The following GALR3 variants were observed in gnomAD, a reference collection of about 807,000 sequenced individuals.
The protein encoded by GALR3 is galanin receptor type 3.
GALR3 carries 5 observed loss-of-function variants against 6.9 expected under a neutral mutation model. The ratio of observed to expected loss-of-function variants is 0.72; its 90% CI spans 0.38 to 1.52. The LOEUF (loss-of-function observed/expected upper bound fraction) is 1.52, where lower values mean the gene tolerates loss of function less well. Ranked by LOEUF, GALR3 falls within the 40% of genes most tolerant of loss-of-function variation. The pLI is 0.03. For synonymous variants in GALR3, 308 were observed against 263.6 expected, an observed-to-expected ratio of 1.17 and a Z score of -1.63; for missense variants, 570 against 545.6, an observed-to-expected ratio of 1.04 and a Z score of -0.44.
intron 1 of GALR3, among the ~76,000 whole-genome samples, chr22:37,824,515 A>G (rs933133041): frequency 6.6e-6 from 1 of 152,044 alleles, no homozygotes; most frequent in Non-Finnish European, 1.5e-5. Flanking sequence ...CGCATCCATA[A>G]AATAATCCTA....
At chr22:37,824,681 G>A (rs1922541820) in intron 1 of GALR3, 42 bp from the exon 2 acceptor site, 1 of 1,167,800 alleles carries the variant, frequency 8.6e-7, no homozygotes, top group Non-Finnish European at 1.1e-6. Flanking sequence ...GGCCCCTGCG[G>A]GAGGGCACCT....
intron 1 of GALR3, 42 bp downstream of exon 1, chr22:37,823,807 C>CGGGGGGGGGCTGGGGGGGG: frequency 3.3e-6 from 2 of 604,036 alleles, no homozygotes; most frequent in South Asian, 1.6e-5. Context: ...GCTGTGGGGG[C>CGGGGGGGGGCTGGGGGGGG]GGGGGTTGGG....
In GALR3 at chr22:37,825,009, G is replaced by C. The variant is rs1328393286; in HGVS notation, c.646G>C (p.Gly216Arg). 4 of 1,176,854 alleles carry C rather than the reference G, an allele frequency of 3.4e-6. No homozygotes were observed. The highest frequency in any genetic ancestry group is 3.1e-6 in the Non-Finnish European group (3 of 953,096). 72.9% of individuals were successfully genotyped at this position (1,176,854 alleles called of 1,614,324 possible). A position where few individuals can be genotyped will look rare whatever the true frequency, so the allele number is the denominator to read the frequency against. ...RTLRFLWAAV[G>R]PAGAAAAEAR... ...GCTGCGCTTCCTGTGGGCCGCCGTG[G>C]GTCCCGCGGGCGCGGCGGCGGCCGA... Residue 216 changes from glycine (G) to arginine (R), a missense_variant, in exon 2 of 2, where the codon GGT (glycine) becomes CGT (arginine). Physicochemically the swap from Gly to Arg is moderately radical, Grantham distance 125 (BLOSUM62 -2). Transcript: ENST00000249041.
In GALR3 at chr22:37,823,666, C is replaced by T. The variant is rs753898466; in HGVS notation, c.260C>T (p.Ala87Val). The change falls in exon 1 of 2, where the codon GCC becomes GTC. Residue 87 changes from alanine (A) to valine (V), a missense_variant. By Grantham distance (64) the Ala-to-Val change is moderately conservative. Coordinates refer to ENST00000249041, the MANE Select transcript of GALR3 (RefSeq NM_003614.2). ...CAGGCCACCATCTACACGCTGGATG[C>T]CTGGCTCTTTGGGGCCCTCGTCTGC... is the stretch of plus-strand genomic sequence containing the variant. ...PFQATIYTLD[A>V]WLFGALVCKA... The T allele has an allele frequency of 1.2e-6, 2 of 1,613,980 alleles. No homozygotes were observed. The highest frequency in any genetic ancestry group is 2.2e-5 in the South Asian group (2 of 91,074).
Position 37,825,301 on chromosome 22 carries a change from G to A in GALR3, c.938G>A (p.Arg313His), listed in dbSNP as rs1922580361. ...CTGTGGCCGTGCGGCCGCCGACGCC[G>A]CCACCGTGCCCGCCGCGCCTTGCGT... ...RRLWPCGRRR[R>H]HRARRALRRV... The change falls in exon 2 of 2, where the codon CGC becomes CAC. Residue 313 changes from arginine (R) to histidine (H), a missense_variant. Coordinates refer to ENST00000249041, the MANE Select transcript of GALR3 (RefSeq NM_003614.2). 5 of 1,254,854 alleles carry A rather than the reference G, an allele frequency of 4.0e-6. No individual in the cohort carries two copies. The highest frequency in any genetic ancestry group is 5.0e-6 in the Non-Finnish European group (5 of 1,003,742). The allele number at this position is 1,254,854 out of a possible 1,614,324, so 77.7% of individuals were successfully genotyped here.
At position 37,825,415 on chromosome 22, in the gene GALR3, C is replaced by A. The variant is rs1569088323; in HGVS notation, c.1052C>A (p.Pro351Gln). Residue 351 changes from proline (P) to glutamine (Q), a missense_variant, in exon 2 of 2, where the codon CCG (proline) becomes CAG (glutamine). Coordinates refer to ENST00000249041, the MANE Select transcript of GALR3 (RefSeq NM_003614.2). Reference sequence around the variant, plus strand: ...CTGCTGGCTGGTGGCGGCCAGGGCCCGGAGCCCAGGGAGGGACCCGTCCAC... The same window carrying A: ...CTGCTGGCTGGTGGCGGCCAGGGCCAGGAGCCCAGGGAGGGACCCGTCCAC... ...GRLLAGGGQGPEPREGPVHGG... is the reference protein window; with the variant it reads ...GRLLAGGGQGQEPREGPVHGG... 1.4e-6 allele frequency: 2 copies of A among 1,397,242 alleles called. No homozygotes were observed. Among genetic ancestry groups the A allele is most frequent in the African/African-American group, 3.0e-5 (2 of 67,218 alleles). 86.6% of individuals were successfully genotyped at this position (1,397,242 alleles called of 1,614,324 possible).
At chr22:37,823,834 G>A in intron 1 of GALR3, 69 bp downstream of exon 1, 1 of 823,888 alleles carries the variant, frequency 1.2e-6, no homozygotes. Context: ...GTCCTGAACA[G>A]ATCCTCACTG....
intron 1 of GALR3, among the ~76,000 whole-genome samples, chr22:37,824,505 C>G (rs989734942): frequency 5.9e-5 from 9 of 152,160 alleles, no homozygotes; most frequent in African/African-American, 2.2e-4. Context: ...CCTCATCTGA[C>G]GCATCCATAA....
Position 37,823,601 on chromosome 22 carries a change from G to T in GALR3, c.195G>T (p.Ala65=). The T allele has an allele frequency of 1.2e-6, 2 of 1,614,142 alleles. No homozygotes were observed. The highest frequency in any genetic ancestry group is 1.7e-6 in the Non-Finnish European group (2 of 1,180,014). ...STTDLFILNL[A]VADLCFILCC... is the part of the protein sequence containing the mutation. The stretch of plus-strand genomic sequence containing the variant: ...CGGACCTGTTCATCCTCAACCTGGC[G>T]GTGGCTGACCTCTGCTTCATCCTGT... Residue 65 remains alanine, a synonymous_variant, in exon 1 of 2, where the codon GCG becomes GCT. Transcript: ENST00000249041.
At position 37,823,450 on chromosome 22, in the gene GALR3, T is replaced by TG; in HGVS notation, c.49dup (p.Ala17GlyfsTer52). ...ATTTCACTGGACAGCCCAGGGAGTG[T>TG]GGGGGCCGTGGCAGTGCCTGTGGTC... On this transcript the variant is annotated frameshift_variant, in exon 1 of 2. Coordinates refer to ENST00000249041, the MANE Select transcript of GALR3 (RefSeq NM_003614.2). LOFTEE classifies it high-confidence loss of function. 6.2e-7 allele frequency: 1 copy of TG among 1,609,722 alleles called. No individual in the cohort carries two copies. Among genetic ancestry groups the TG allele is most frequent in the Non-Finnish European group, 8.5e-7 (1 of 1,177,074 alleles).
rs1235216819 is a variant in GALR3 at position 37,824,985 on chromosome 22, C to G, written c.622C>G (p.Leu208Val). 5 of 1,220,086 alleles carry G rather than the reference C, an allele frequency of 4.1e-6. No individual in the cohort carries two copies. The highest frequency in any genetic ancestry group is 5.1e-6 in the Non-Finnish European group (5 of 975,922). The allele number at this position is 1,220,086 out of a possible 1,614,324, so 75.6% of individuals were successfully genotyped here. A position where few individuals can be genotyped will look rare whatever the true frequency, so the allele number is the denominator to read the frequency against. Reference protein sequence around the residue: ...AVVSLAYGRTLRFLWAAVGPA... With the variant: ...AVVSLAYGRTVRFLWAAVGPA... ...GGTGAGCCTGGCCTACGGGCGCACG[C>G]TGCGCTTCCTGTGGGCCGCCGTGGG... The change falls in exon 2 of 2, where the codon CTG becomes GTG. Residue 208 changes from leucine (L) to valine (V), a missense_variant. By Grantham distance (32) the Leu-to-Val change is conservative (BLOSUM62 1). Transcript: ENST00000249041.
Position 37,825,223 on chromosome 22 carries a change from A to G in GALR3, c.860A>G (p.Asn287Ser), listed in dbSNP as rs1157021436. The G allele has an allele frequency of 7.5e-6, 11 of 1,467,240 alleles. No individual in the cohort carries two copies. Among genetic ancestry groups the G allele is most frequent in the Non-Finnish European group, 1.0e-5 (11 of 1,103,598 alleles). 90.9% of individuals were successfully genotyped at this position (1,467,240 alleles called of 1,614,324 possible). Residue 287 changes from asparagine (N) to serine (S), a missense_variant, in exon 2 of 2, where the codon AAC (asparagine) becomes AGC (serine). Transcript: ENST00000249041. The stretch of plus-strand genomic sequence containing the variant: ...CTGGCCTACGCCAACTCCTGCCTCA[A>G]CCCGCTCGTCTACGCGCTCGCCTCG... ...HCLAYANSCL[N>S]PLVYALASRH...
rs1922503838 is a variant in GALR3 at position 37,823,536 on chromosome 22, C to A, written c.130C>A (p.Gln44Lys). The A allele has an allele frequency of 1.2e-6, 2 of 1,613,820 alleles. No homozygotes were observed. Among genetic ancestry groups the A allele is most frequent in the Non-Finnish European group, 1.7e-6 (2 of 1,179,888 alleles). The change falls in exon 1 of 2, where the codon CAG (glutamine) becomes AAG (lysine). Residue 44 changes from glutamine (Q) to lysine (K), a missense_variant. By Grantham distance (53) the Gln-to-Lys change is moderately conservative. Coordinates refer to ENST00000249041, the MANE Select transcript of GALR3 (RefSeq NM_003614.2). ...TGGGCTGGTGCTGGCAGTGCTCCTG[C>A]AGCCTGGCCCGAGTGCCTGGCAGGA... ...GNGLVLAVLL[Q>K]PGPSAWQEPG...
In GALR3 at chr22:37,823,603, T is replaced by TGGC; in HGVS notation, c.198_200dup (p.Ala67dup). 6.2e-7 allele frequency: 1 copy of TGGC among 1,614,166 alleles called. No homozygotes were observed. On this transcript the variant is annotated inframe_insertion, in exon 1 of 2. Coordinates refer to ENST00000249041, the MANE Select transcript of GALR3 (RefSeq NM_003614.2). Reference sequence around the variant, plus strand: ...GACCTGTTCATCCTCAACCTGGCGGTGGCTGACCTCTGCTTCATCCTGTGC... The same window carrying TGGC: ...GACCTGTTCATCCTCAACCTGGCGGTGGCGGCTGACCTCTGCTTCATCCTGTGC...
In GALR3 at chr22:37,823,550, TGCCTGGCAGGA is replaced by T. The variant is rs1922504685; in HGVS notation, c.154_164del (p.Glu52HisfsTer13). The T allele has an allele frequency of 1.4e-6, 2 of 1,432,882 alleles. No homozygotes were observed. Among genetic ancestry groups the T allele is most frequent in the Non-Finnish European group, 9.4e-7 (1 of 1,060,520 alleles). The allele number at this position is 1,432,882 out of a possible 1,614,324, so 88.8% of individuals were successfully genotyped here. A position where few individuals can be genotyped will look rare whatever the true frequency, so the allele number is the denominator to read the frequency against. Reference sequence around the variant, plus strand: ...CAGTGCTCCTGCAGCCTGGCCCGAGTGCCTGGCAGGAGCCTGGCAGCACCACGGACCTGTTC... The same window carrying T: ...CAGTGCTCCTGCAGCCTGGCCCGAGTGCCTGGCAGCACCACGGACCTGTTC... On this transcript the variant is annotated frameshift_variant, in exon 1 of 2. Coordinates refer to ENST00000249041, the MANE Select transcript of GALR3 (RefSeq NM_003614.2). LOFTEE classifies it high-confidence loss of function.
In GALR3 at chr22:37,825,327, C is replaced by A. The variant is rs1922581976; in HGVS notation, c.964C>A (p.Arg322Ser). The change falls in exon 2 of 2, where the codon CGC (arginine) becomes AGC (serine). Residue 322 changes from arginine to serine, a missense_variant. Coordinates refer to ENST00000249041, the MANE Select transcript of GALR3 (RefSeq NM_003614.2). ...CCACCGTGCCCGCCGCGCCTTGCGT[C>A]GCGTCCGCCCCGCGTCCTCGGGCCC... Reference protein sequence around the residue: ...RRHRARRALRRVRPASSGPPG... With the variant: ...RRHRARRALRSVRPASSGPPG... 3 of 1,256,746 alleles carry A rather than the reference C, an allele frequency of 2.4e-6. No individual in the cohort carries two copies. The highest frequency in any genetic ancestry group is 3.0e-6 in the Non-Finnish European group (3 of 1,005,524). 77.8% of individuals were successfully genotyped at this position (1,256,746 alleles called of 1,614,324 possible). A position where few individuals can be genotyped will look rare whatever the true frequency, so the allele number is the denominator to read the frequency against.
Position 37,825,366 on chromosome 22 carries a change from G to A in GALR3, c.1003G>A (p.Gly335Arg). The change falls in exon 2 of 2, where the codon GGA becomes AGA. Residue 335 changes from glycine to arginine, a missense_variant. Physicochemically the swap from Gly to Arg is moderately radical, Grantham distance 125 (BLOSUM62 -2). Coordinates refer to ENST00000249041, the MANE Select transcript of GALR3 (RefSeq NM_003614.2). Reference sequence around the variant, plus strand: ...GTCCTCGGGCCCACCCGGCTGCCCCGGAGACGCCCGGCCTAGCGGGAGGCT... The same window carrying A: ...GTCCTCGGGCCCACCCGGCTGCCCCAGAGACGCCCGGCCTAGCGGGAGGCT... ...PASSGPPGCPGDARPSGRLLA... is the reference protein window; with the variant it reads ...PASSGPPGCPRDARPSGRLLA... 2.2e-6 allele frequency: 3 copies of A among 1,362,602 alleles called. No homozygotes were observed. The highest frequency in any genetic ancestry group is 2.8e-6 in the Non-Finnish European group (3 of 1,053,006). The allele number at this position is 1,362,602 out of a possible 1,614,324, so 84.4% of individuals were successfully genotyped here.
Position 37,825,330 on chromosome 22 carries a change from G to A in GALR3, c.967G>A (p.Val323Ile), listed in dbSNP as rs756080747. ...CCGTGCCCGCCGCGCCTTGCGTCGC[G>A]TCCGCCCCGCGTCCTCGGGCCCACC... ...RHRARRALRR[V>I]RPASSGPPGC... Residue 323 changes from valine to isoleucine, a missense_variant, in exon 2 of 2, where the codon GTC (valine) becomes ATC (isoleucine). Val to Ile is a conservative substitution (Grantham distance 29). Coordinates refer to ENST00000249041, the MANE Select transcript of GALR3 (RefSeq NM_003614.2). The A allele has an allele frequency of 9.3e-4, 1,183 of 1,272,802 alleles. 1 individual carries two copies. The highest frequency in any genetic ancestry group is 1.1e-3 in the Non-Finnish European group (1,086 of 1,013,142). The allele number at this position is 1,272,802 out of a possible 1,614,324, so 78.8% of individuals were successfully genotyped here.
In GALR3 at chr22:37,825,416, G is replaced by A. The variant is rs1922585932; in HGVS notation, c.1053G>A (p.Pro351=). The A allele has an allele frequency of 1.4e-6, 2 of 1,394,502 alleles. No homozygotes were observed. Among genetic ancestry groups the A allele is most frequent in the Non-Finnish European group, 9.3e-7 (1 of 1,070,678 alleles). 86.4% of individuals were successfully genotyped at this position (1,394,502 alleles called of 1,614,324 possible). Reference sequence around the variant, plus strand: ...TGCTGGCTGGTGGCGGCCAGGGCCCGGAGCCCAGGGAGGGACCCGTCCACG... The same window carrying A: ...TGCTGGCTGGTGGCGGCCAGGGCCCAGAGCCCAGGGAGGGACCCGTCCACG... ...GRLLAGGGQG[P]EPREGPVHGG... is the part of the protein sequence containing the mutation. The change falls in exon 2 of 2, where the codon CCG becomes CCA. Residue 351 remains proline (P), a synonymous_variant. Transcript: ENST00000249041.
Sources: allele counts gnomAD v4.1 joint callset (sites outside exome capture counted in the v4.1 genomes callset), GRCh38; gene constraint gnomAD v4.1.1; transcripts MANE v1.5; gene names NCBI Gene and HGNC (gene_info 2026-07-23, HGNC 2026-07-21).